Variants in TAPT1 observed in about 807,000 individuals in gnomAD.
TAPT1 encodes transmembrane anterior posterior transformation 1.
TAPT1 carries 28 observed loss-of-function variants against 65.6 expected under a neutral mutation model. The observed-to-expected ratio is 0.43, with a 90% CI of 0.32 to 0.59. The LOEUF (loss-of-function observed/expected upper bound fraction) is 0.59. Ranked by LOEUF, TAPT1 falls within the 20% of genes least tolerant of loss-of-function variation. The pLI, the probability that TAPT1 is intolerant of heterozygous loss-of-function variation, is 0.09. For synonymous variants in TAPT1, 278 were observed against 245.2 expected (o/e 1.13, Z -1.25); for missense variants, 563 against 679.9 (o/e 0.83, Z 1.91).
intron 4 of TAPT1, among the ~76,000 whole-genome samples, chr4:16,189,492 G>C (rs1346659696): frequency 2.0e-5 from 3 of 152,146 alleles, no homozygotes; most frequent in Non-Finnish European, 4.4e-5. Context: ...TCCTACCATG[G>C]GCCTGATATT....
chr4:16,209,839 C>T (rs994298249), intron 2 of TAPT1, among the ~76,000 whole-genome samples: 13 of 152,158 alleles, frequency 8.5e-5, no homozygotes, highest in African/African-American at 2.9e-4. Context: ...CTAATCCTTA[C>T]ATAACAAACA....
At chr4:16,212,474 T>A (rs1170210793) in intron 2 of TAPT1, among the ~76,000 whole-genome samples, 1 of 152,178 alleles carries the variant, frequency 6.6e-6, no homozygotes, top group Non-Finnish European at 1.5e-5. Context: ...TTTTTCCAAG[T>A]AAAAGAAACA....
rs188997395 is a variant in TAPT1 at position 16,215,406 on chromosome 4, C to T, written c.200-1508G>A. On this transcript the variant is annotated intron_variant, in intron 1 of 13. Transcript: ENST00000405303. ...GTCTACAACAGCTTACTTCCTCCAGCATTAAAACGGATTCCTGGTTCTTTG... is the reference window on the plus strand; with the variant it reads ...GTCTACAACAGCTTACTTCCTCCAGTATTAAAACGGATTCCTGGTTCTTTG... Among the ~76,000 whole-genome samples the T allele has an allele frequency of 4.1e-4, 62 of 152,286 alleles. 1 individual carries two copies. The highest frequency in any genetic ancestry group is 5.9e-5 in the Non-Finnish European group (4 of 68,032).
chr4:16,216,940 T>C (rs1327652436), intron 1 of TAPT1, among the ~76,000 whole-genome samples: 3 of 152,198 alleles, frequency 2.0e-5, no homozygotes, highest in Admixed American at 2.0e-4. Flanking sequence ...CCTCTACAAC[T>C]GGACACAGGC....
intron 2 of TAPT1, 115 bp downstream of exon 2, chr4:16,213,653 A>T: frequency 1.1e-6 from 1 of 943,344 alleles, no homozygotes; most frequent in East Asian, 3.0e-5. Flanking sequence ...CTCCCCCAAT[A>T]ACATTATTTC....
chr4:16,180,980 A>T (rs967337526), intron 7 of TAPT1, among the ~76,000 whole-genome samples: 7 of 152,222 alleles, frequency 4.6e-5, no homozygotes, highest in Non-Finnish European at 8.8e-5. Flanking sequence ...GCACCTCCGG[A>T]GCAAGGCCAT....
intron 9 of TAPT1, 86 bp from the exon 10 acceptor site, chr4:16,174,815 T>C: frequency 1.0e-6 from 1 of 976,348 alleles, no homozygotes; most frequent in Non-Finnish European, 1.5e-6. Context: ...TAAAAACATT[T>C]AATAATTAAC....
chr4:16,226,576 T>C (rs1299000150), upstream of TAPT1: 1 of 629,388 alleles, frequency 1.6e-6, no homozygotes, highest in Non-Finnish European at 2.0e-6. Context: ...GCCGCCGCCA[T>C]CCGCGGCCCG....
At chr4:16,221,084 A>G (rs562702374) in intron 1 of TAPT1, among the ~76,000 whole-genome samples, 3 of 151,286 alleles carry the variant, frequency 2.0e-5, no homozygotes, top group African/African-American at 4.9e-5. Context: ...CATAAATCCA[A>G]ATCAATTCCT....
At chr4:16,203,484 C>G (rs1296105590) in intron 2 of TAPT1, among the ~76,000 whole-genome samples, 1 of 152,000 alleles carries the variant, frequency 6.6e-6, no homozygotes, top group Admixed American at 6.5e-5. Flanking sequence ...TATGTTGGTA[C>G]CTTAGAATGT....
At chr4:16,211,040 GGGT>G (rs202230017) in intron 2 of TAPT1, among the ~76,000 whole-genome samples, 17 of 147,740 alleles carry the variant, frequency 1.2e-4, no homozygotes, top group Admixed American at 2.7e-4. Context: ...ACAAAAATTG[GGGT>G]GTTTTTTTTT....
Position 16,166,543 on chromosome 4 carries a change from C to T in TAPT1, c.1474+90G>A. 2.7e-6 allele frequency: 4 copies of T among 1,503,984 alleles called. No homozygotes were observed. In the South Asian group the frequency reaches 4.9e-5, roughly 18 times the overall value. 93.2% of individuals were successfully genotyped at this position (1,503,984 alleles called of 1,614,324 possible). ...CCCAAAAATCTATGCAAAGGGAAAC[C>T]AATCTTTAAAGCGTTGCTTAACATT... On this transcript the variant is annotated intron_variant, in intron 13 of 13. Coordinates refer to ENST00000405303, the MANE Select transcript of TAPT1 (RefSeq NM_153365.3).
intron 3 of TAPT1, among the ~76,000 whole-genome samples, chr4:16,199,105 C>T (rs757788927): frequency 2.0e-4 from 30 of 152,014 alleles, no homozygotes; most frequent in Admixed American, 4.6e-4. Flanking sequence ...GCCTGAACTC[C>T]GTTTCATTTA....
intron 2 of TAPT1, among the ~76,000 whole-genome samples, chr4:16,210,597 A>C (rs1750596086): frequency 6.6e-6 from 1 of 152,224 alleles, no homozygotes; most frequent in African/African-American, 2.4e-5. Flanking sequence ...GATTAAGTGA[A>C]TTGCTCAAGG....
chr4:16,214,823 C>G (rs1408327153), intron 1 of TAPT1, among the ~76,000 whole-genome samples: 3 of 152,212 alleles, frequency 2.0e-5, no homozygotes, highest in Non-Finnish European at 4.4e-5. Flanking sequence ...CCACTGTTCT[C>G]TTTGCTCTGA....
intron 1 of TAPT1, among the ~76,000 whole-genome samples, chr4:16,223,523 A>T (rs762141774): frequency 1.3e-5 from 2 of 152,222 alleles, no homozygotes; most frequent in Non-Finnish European, 2.9e-5. Flanking sequence ...AAAAACAGGA[A>T]TGATGAGTGG....
chr4:16,164,201 C>T (rs1747430897), intron 13 of TAPT1, among the ~76,000 whole-genome samples: 1 of 152,138 alleles, frequency 6.6e-6, no homozygotes, highest in African/African-American at 2.4e-5. Context: ...AATGTATAAT[C>T]TGATGAGTTC....
At chr4:16,208,436 G>A (rs1246830192) in intron 2 of TAPT1, among the ~76,000 whole-genome samples, 1 of 152,240 alleles carries the variant, frequency 6.6e-6, no homozygotes, top group Non-Finnish European at 1.5e-5. Flanking sequence ...CAATAAGACA[G>A]AAGTGGAAGT....
At chr4:16,216,571 G>C (rs185163095) in intron 1 of TAPT1, among the ~76,000 whole-genome samples, 1 of 152,266 alleles carries the variant, frequency 6.6e-6, no homozygotes, top group Non-Finnish European at 1.5e-5. Context: ...CTGGAGTCCT[G>C]ACTTCAGTTC....
Sources: allele counts gnomAD v4.1 joint callset (sites outside exome capture counted in the v4.1 genomes callset), GRCh38; gene constraint gnomAD v4.1.1; transcripts MANE v1.5; gene names NCBI Gene and HGNC (gene_info 2026-07-23, HGNC 2026-07-21).